Variants in NR3C1 observed in about 807,000 individuals in gnomAD.
The protein encoded by NR3C1 is glucocorticoid receptor.
In NR3C1, 14 loss-of-function variants were observed where a neutral mutation model predicts 74.0. The ratio of observed to expected loss-of-function variants is 0.19; its 90% CI spans 0.12 to 0.30. The LOEUF (loss-of-function observed/expected upper bound fraction) is 0.30. Ranked by LOEUF, NR3C1 falls within the 10% of genes least tolerant of loss-of-function variation. The pLI is 1.00. For synonymous variants in NR3C1, 308 were observed against 332.5 expected (o/e 0.93, Z 0.80); for missense variants, 695 against 909.8 (o/e 0.76, Z 3.04).
chr5:143,324,692 G>A (rs1824184401), intron 2 of NR3C1, among the ~76,000 whole-genome samples: 1 of 152,168 alleles, frequency 6.6e-6, no homozygotes, highest in Non-Finnish European at 1.5e-5. Context: ...CAACTGCATT[G>A]TCAGGCTGCA....
intron 2 of NR3C1, among the ~76,000 whole-genome samples, chr5:143,369,496 T>A (rs958115398): frequency 6.6e-6 from 1 of 152,220 alleles, no homozygotes; most frequent in Non-Finnish European, 1.5e-5. Flanking sequence ...TATATCCACA[T>A]AACAGAATAT....
intron 4 of NR3C1, among the ~76,000 whole-genome samples, chr5:143,309,073 CTT>C (rs397830399): frequency 4.5e-5 from 6 of 134,402 alleles, no homozygotes; most frequent in East Asian, 2.2e-4. Context: ...TTTCAGGTTT[CTT>C]TTTTTTTTTT....
intron 2 of NR3C1, among the ~76,000 whole-genome samples, chr5:143,349,846 T>C (rs1332977879): frequency 6.6e-6 from 1 of 151,996 alleles, no homozygotes; most frequent in Admixed American, 6.6e-5. Flanking sequence ...ATGAGGCAAA[T>C]GCTAGGATAG....
intron 2 of NR3C1, among the ~76,000 whole-genome samples, chr5:143,344,733 TGTG>T (rs1245978117): frequency 6.6e-6 from 1 of 151,846 alleles, no homozygotes; most frequent in Non-Finnish European, 1.5e-5. Context: ...ATTAGCCAGG[TGTG>T]GTGGCGGGCG....
chr5:143,357,696 A>G lies in NR3C1; in HGVS notation c.1184+41960T>C, dbSNP rs558100381. 1.4e-4 allele frequency among the ~76,000 whole-genome samples: 21 copies of G among 152,376 alleles called. No individual in the cohort carries two copies. In the South Asian group the frequency reaches 4.1e-3, roughly 30 times the overall value. On this transcript the variant is annotated intron_variant, in intron 2 of 8. Coordinates refer to ENST00000394464, the MANE Select transcript of NR3C1 (RefSeq NM_000176.3). ...TTATGTTGTGCAAGGTAGTATCTCC[A>G]AAATAGAATTTCTAACACTCAATAA...
upstream of NR3C1, chr5:143,404,096 C>T: frequency 1.0e-6 from 1 of 985,452 alleles, no homozygotes; most frequent in Non-Finnish European, 1.2e-6. Flanking sequence ...CACTCGGGAG[C>T]TCGCTCTGCC....
intron 2 of NR3C1, among the ~76,000 whole-genome samples, chr5:143,379,784 G>C (rs186481611): frequency 1.4e-4 from 22 of 152,312 alleles, no homozygotes; most frequent in Admixed American, 1.4e-3. Flanking sequence ...CATTGCTACA[G>C]CCAACCAGCC....
intron 1 of NR3C1, 126 bp from the exon 2 acceptor site, chr5:143,400,978 T>C (rs1047491060): frequency 2.6e-6 from 2 of 765,186 alleles, no homozygotes; most frequent in African/African-American, 1.7e-5. Context: ...AATCAAATTC[T>C]TTGTTACCAG....
chr5:143,315,253 C>G (rs1821822719), intron 2 of NR3C1, among the ~76,000 whole-genome samples: 1 of 152,008 alleles, frequency 6.6e-6, no homozygotes, highest in Non-Finnish European at 1.5e-5. Context: ...CAATGGTTTT[C>G]AATGTTGTAT....
intron 2 of NR3C1, among the ~76,000 whole-genome samples, chr5:143,335,508 A>C (rs1438951573): frequency 6.6e-6 from 1 of 152,268 alleles, no homozygotes; most frequent in South Asian, 2.1e-4. Context: ...AGAAAACAGC[A>C]AAAAGTTTAA....
rs869122723 is a variant in NR3C1, at chr5:143,281,531, G to GAAAAA, written c.*353_*357dup. 4.1e-6 allele frequency: 1 copy of GAAAAA among 246,726 alleles called. No homozygotes were observed. The highest frequency in any genetic ancestry group is 8.0e-6 in the Non-Finnish European group (1 of 125,386). The allele number at this position is 246,726 out of a possible 1,614,324, so 15.3% of individuals were successfully genotyped here. A position where few individuals can be genotyped will look rare whatever the true frequency, so the allele number is the denominator to read the frequency against. ...TAGAAAATTTCATCCAGCCAACTGTGAAAAAAAGTATGAAGAGAAAGTTCA... is the reference window on the plus strand; with the variant it reads ...TAGAAAATTTCATCCAGCCAACTGTGAAAAAAAAAAAAGTATGAAGAGAAAGTTCA... On this transcript the variant is annotated 3_prime_UTR_variant, in exon 9 of 9. Coordinates refer to ENST00000394464, the MANE Select transcript of NR3C1 (RefSeq NM_000176.3).
intron 2 of NR3C1, among the ~76,000 whole-genome samples, chr5:143,338,580 C>T (rs1197960589): frequency 6.6e-6 from 1 of 151,846 alleles, no homozygotes; most frequent in Non-Finnish European, 1.5e-5. Flanking sequence ...ATAAAAACAT[C>T]TTAAAAATGG....
intron 4 of NR3C1, among the ~76,000 whole-genome samples, chr5:143,305,682 C>T (rs1819441244): frequency 6.6e-6 from 1 of 152,034 alleles, no homozygotes; most frequent in African/African-American, 2.4e-5. Context: ...GGGAGCTAAA[C>T]ATTGAGTACA....
At chr5:143,358,258 G>A (rs994630492) in intron 2 of NR3C1, among the ~76,000 whole-genome samples, 3 of 152,148 alleles carry the variant, frequency 2.0e-5, no homozygotes, top group African/African-American at 7.2e-5. Context: ...TGTTAGCTCA[G>A]CAGTGGACAT....
At position 143,403,427 on chromosome 5, in the gene NR3C1, C is replaced by A; in HGVS notation, c.-230G>T. On this transcript the variant is annotated 5_prime_UTR_variant, in exon 1 of 9. Transcript: ENST00000394464. ...CAGCTGACAAGCCAGCCCTCCGCCCCGCGCCGGGCTCCGCGGGTCGAGGTT... is the reference window on the plus strand; with the variant it reads ...CAGCTGACAAGCCAGCCCTCCGCCCAGCGCCGGGCTCCGCGGGTCGAGGTT... The A allele has an allele frequency of 2.1e-6, 2 of 962,452 alleles. No homozygotes were observed. Among genetic ancestry groups the A allele is most frequent in the Non-Finnish European group, 2.4e-6 (2 of 822,120 alleles). The allele number at this position is 962,452 out of a possible 1,614,324, so 59.6% of individuals were successfully genotyped here. A position where few individuals can be genotyped will look rare whatever the true frequency, so the allele number is the denominator to read the frequency against.
chr5:143,403,714 C>G (rs1380837706), upstream of NR3C1: 2 of 985,248 alleles, frequency 2.0e-6, no homozygotes, highest in African/African-American at 1.7e-5. Context: ...CTCGCACACA[C>G]GCGCTCCCAC....
At chr5:143,384,063 T>C (rs1284289130) in intron 2 of NR3C1, among the ~76,000 whole-genome samples, 1 of 152,184 alleles carries the variant, frequency 6.6e-6, no homozygotes, top group East Asian at 1.9e-4. Flanking sequence ...TCAGGAAACT[T>C]AGAATCCTGG....
chr5:143,301,747 T>C (rs564841971), intron 4 of NR3C1, among the ~76,000 whole-genome samples: 2 of 152,152 alleles, frequency 1.3e-5, no homozygotes, highest in Non-Finnish European at 2.9e-5. Flanking sequence ...TTATTAGGGA[T>C]GCAAACCATT....
At chr5:143,337,426 C>T (rs1357902640) in intron 2 of NR3C1, among the ~76,000 whole-genome samples, 1 of 152,102 alleles carries the variant, frequency 6.6e-6, no homozygotes, top group East Asian at 1.9e-4. Flanking sequence ...AAGTCAAAGA[C>T]AAGAATGTCC....
Sources: gnomAD v4.1 joint callset for allele counts (sites outside exome capture counted in the v4.1 genomes callset) on GRCh38, gnomAD v4.1.1 for gene constraint, MANE v1.5 for transcripts, NCBI Gene and HGNC (gene_info 2026-07-23, HGNC 2026-07-21) for gene names.